Variants in CCDC171 observed in about 807,000 individuals in gnomAD.
CCDC171 encodes coiled-coil domain-containing protein 171.
CCDC171 carries 177 observed loss-of-function variants against 168.2 expected under a neutral mutation model. The ratio of observed to expected loss-of-function variants is 1.05; its 90% CI spans 0.93 to 1.19. The LOEUF (loss-of-function observed/expected upper bound fraction) is 1.19, where lower values mean the gene tolerates loss of function less well. Ranked by LOEUF, CCDC171 falls within the 50% of genes most tolerant of loss-of-function variation. The pLI is 0.00. For synonymous variants in CCDC171, 687 were observed against 540.8 expected (o/e 1.27, Z -3.75); for missense variants, 1,991 against 1,539.0 (o/e 1.29, Z -4.91).
At chr9:15,914,072 G>T (rs371685910) in intron 24 of CCDC171, among the ~76,000 whole-genome samples, 1 of 152,186 alleles carries the variant, frequency 6.6e-6, no homozygotes, top group Non-Finnish European at 1.5e-5. Flanking sequence ...TATATGAGGC[G>T]TCTGTCAACC....
Position 15,973,200 on chromosome 9 carries a change from G to A in CCDC171, c.*1364G>A, listed in dbSNP as rs1439092617. ...CCCTAGTGCTATTAACTTCTGATGT[G>A]AACTATAGCTTTTGACAAAGAGTCT... On this transcript the variant is annotated 3_prime_UTR_variant, in exon 26 of 26. Transcript: ENST00000380701. 1.3e-5 allele frequency: 2 copies of A among 152,106 alleles called. No individual in the cohort carries two copies. The highest frequency in any genetic ancestry group is 2.4e-5 in the African/African-American group (1 of 41,422). The allele number at this position is 152,106 out of a possible 1,614,324, so 9.4% of individuals were successfully genotyped here. A position where few individuals can be genotyped will look rare whatever the true frequency, so the allele number is the denominator to read the frequency against.
chr9:15,661,433 TAAG>T (rs2048317580), intron 8 of CCDC171, among the ~76,000 whole-genome samples: 1 of 152,172 alleles, frequency 6.6e-6, no homozygotes, highest in African/African-American at 2.4e-5. Flanking sequence ...TTACTATAAA[TAAG>T]AAAATTATTA....
intron 25 of CCDC171, among the ~76,000 whole-genome samples, chr9:15,935,316 A>T (rs577289693): frequency 6.6e-6 from 1 of 152,056 alleles, no homozygotes; most frequent in African/African-American, 2.4e-5. Context: ...AGCAAACTTT[A>T]CTATTGACTC....
intron 21 of CCDC171, among the ~76,000 whole-genome samples, chr9:15,794,990 C>G (rs1429178854): frequency 1.3e-5 from 2 of 152,192 alleles, no homozygotes; most frequent in Non-Finnish European, 2.9e-5. Flanking sequence ...ACTTCTCTTC[C>G]CACTCCAAAC....
Position 15,790,701 on chromosome 9 carries a change from G to GT in CCDC171, c.3267+6011dup, listed in dbSNP as rs1444834049. Among the ~76,000 whole-genome samples, 16 of 152,286 alleles carry GT rather than the reference G, an allele frequency of 1.1e-4. No homozygotes were observed. The East Asian group carries it at 2.1e-3, about 20-fold the overall frequency. On this transcript the variant is annotated intron_variant, in intron 21 of 25. Transcript: ENST00000380701. ...CTATGTCCTGAATGGTATTGCCTAG[G>GT]TTTTCTTCTAGGGTTTTTATGGTTT... is the stretch of plus-strand genomic sequence containing the variant.
At chr9:15,926,454 T>G (rs964302114) in intron 25 of CCDC171, among the ~76,000 whole-genome samples, 3 of 151,588 alleles carry the variant, frequency 2.0e-5, no homozygotes, top group Admixed American at 1.3e-4. Context: ...GCTTTTTACT[T>G]TATAATCTGA....
chr9:15,874,831 T>A, intron 24 of CCDC171, 168 bp downstream of exon 24: 1 of 584,208 alleles, frequency 1.7e-6, no homozygotes, highest in Non-Finnish European at 2.6e-6. Context: ...CAAAATATTG[T>A]TTTTTTCTTT....
intron 25 of CCDC171, among the ~76,000 whole-genome samples, chr9:15,970,040 T>C (rs898404123): frequency 6.6e-6 from 1 of 152,198 alleles, no homozygotes; most frequent in Admixed American, 6.5e-5. Flanking sequence ...TTCATAGAGC[T>C]ATTTCAAGTG....
upstream of CCDC171, among the ~76,000 whole-genome samples, chr9:16,038,563 T>G (rs1833514109): frequency 1.3e-5 from 2 of 151,634 alleles, no homozygotes; most frequent in Admixed American, 6.6e-5. Context: ...GAAATACAAA[T>G]AAGACTGATA....
intron 25 of CCDC171, among the ~76,000 whole-genome samples, chr9:15,963,415 C>T (rs1029480049): frequency 2.0e-5 from 3 of 152,116 alleles, no homozygotes; most frequent in African/African-American, 7.2e-5. Context: ...TGCATGCTCA[C>T]CTTGGTGAAC....
chr9:15,890,131 G>A (rs1391508066), intron 24 of CCDC171, among the ~76,000 whole-genome samples: 1 of 152,050 alleles, frequency 6.6e-6, no homozygotes, highest in African/African-American at 2.4e-5. Flanking sequence ...GTAGGGCATT[G>A]CGCTGTACTC....
chr9:15,721,132 A>G (rs545416686), intron 11 of CCDC171, among the ~76,000 whole-genome samples: 5 of 152,334 alleles, frequency 3.3e-5, no homozygotes, highest in South Asian at 4.1e-4. Flanking sequence ...TACCATGAGT[A>G]TCAGTTTTAA....
At chr9:15,941,187 A>G (rs575750604) in intron 25 of CCDC171, among the ~76,000 whole-genome samples, 10 of 152,070 alleles carry the variant, frequency 6.6e-5, no homozygotes, top group East Asian at 1.9e-4. Context: ...TTCAGTTTCT[A>G]TTTTTTAGAA....
At chr9:15,679,154 A>C (rs980932954) in intron 10 of CCDC171, among the ~76,000 whole-genome samples, 6 of 152,172 alleles carry the variant, frequency 3.9e-5, no homozygotes, top group African/African-American at 1.4e-4. Context: ...AATGTATTCA[A>C]ATGTTTTTTT....
chr9:16,083,273 AT>A, the CCDC171 span, among the ~76,000 whole-genome samples: 1 of 152,194 alleles, frequency 6.6e-6, no homozygotes, highest in Non-Finnish European at 1.5e-5. Context: ...ATACACTGTT[AT>A]CCCTGCCTTA....
the CCDC171 span, among the ~76,000 whole-genome samples, chr9:16,105,143 A>G: frequency 6.6e-6 from 1 of 152,228 alleles, no homozygotes; most frequent in Non-Finnish European, 1.5e-5. Context: ...TTCAAATGCA[A>G]CACATCCTAT....
chr9:15,601,996 A>T (rs949718355), intron 6 of CCDC171, among the ~76,000 whole-genome samples: 18 of 152,190 alleles, frequency 1.2e-4, no homozygotes, highest in African/African-American at 4.3e-4. Context: ...AGAATTTAAA[A>T]TTAGGCATCT....
chr9:16,101,870 C>T, the CCDC171 span, among the ~76,000 whole-genome samples: 3 of 152,220 alleles, frequency 2.0e-5, no homozygotes, highest in Non-Finnish European at 2.9e-5. Flanking sequence ...CCCCAAGCCT[C>T]GGACAAGATG....
downstream of CCDC171, chr9:16,061,368 C>T (rs1288980559): frequency 6.6e-6 from 1 of 152,162 alleles, no homozygotes; most frequent in African/African-American, 2.4e-5. Context: ...GTTGGCAGCA[C>T]CTTAAGAAAT....
Sources: allele counts gnomAD v4.1 joint callset (sites outside exome capture counted in the v4.1 genomes callset), GRCh38; gene constraint gnomAD v4.1.1; transcripts MANE v1.5; gene names NCBI Gene and HGNC (gene_info 2026-07-23, HGNC 2026-07-21).